The following ST3GAL6 variants were observed in gnomAD, a reference collection of about 807,000 sequenced individuals.
ST3GAL6 encodes the protein ST3 beta-galactoside alpha-2,3-sialyltransferase 6.
In ST3GAL6, 31 loss-of-function variants were observed where a neutral mutation model predicts 40.5. The ratio of observed to expected loss-of-function variants is 0.77; its 90% CI spans 0.58 to 1.03. ST3GAL6 has a LOEUF of 1.03. Ranked by LOEUF, ST3GAL6 falls within the 50% of genes least tolerant of loss-of-function variation. ST3GAL6 has a pLI of 0.00. For synonymous variants in ST3GAL6, 129 were observed against 136.9 expected, an observed-to-expected ratio of 0.94 and a Z score of 0.40; for missense variants, 357 against 393.2, an observed-to-expected ratio of 0.91 and a Z score of 0.78.
chr3:98,749,206 C>T (rs1177799631), intron 1 of ST3GAL6, among the ~76,000 whole-genome samples: 1 of 152,026 alleles, frequency 6.6e-6, no homozygotes, highest in Middle Eastern at 3.2e-3. Flanking sequence ...ATTCACTTTG[C>T]CTTAAGGATC....
chr3:98,759,870 A>G (rs1937605886), upstream of ST3GAL6, among the ~76,000 whole-genome samples: 1 of 152,192 alleles, frequency 6.6e-6, no homozygotes. Context: ...AATCCTACAT[A>G]TTTTCCCTCA....
At chr3:98,766,009 C>T (rs1193655918) in intron 1 of ST3GAL6, among the ~76,000 whole-genome samples, 2 of 152,182 alleles carry the variant, frequency 1.3e-5, no homozygotes, top group Non-Finnish European at 2.9e-5. Flanking sequence ...AACTTGAATA[C>T]TGAAGCTGTG....
intron 1 of ST3GAL6, chr3:98,756,672 A>C (rs549396689): frequency 1.3e-6 from 1 of 769,774 alleles, no homozygotes; most frequent in Admixed American, 4.2e-5. Context: ...GGTGCCTGCT[A>C]TTTTTTTCTC....
chr3:98,734,291 C>G (rs1311447010), intron 1 of ST3GAL6, among the ~76,000 whole-genome samples: 2 of 152,184 alleles, frequency 1.3e-5, no homozygotes, highest in Non-Finnish European at 2.9e-5. Flanking sequence ...TATGTTGCTT[C>G]CTTTTTGTTT....
At chr3:98,779,181 G>A (rs932441696) in intron 5 of ST3GAL6, among the ~76,000 whole-genome samples, 2 of 152,188 alleles carry the variant, frequency 1.3e-5, no homozygotes, top group African/African-American at 4.8e-5. Flanking sequence ...ACGTGTCAAT[G>A]TCTAAGCAGA....
intron 1 of ST3GAL6, among the ~76,000 whole-genome samples, chr3:98,740,119 C>T (rs961248733): frequency 2.6e-5 from 4 of 151,698 alleles, no homozygotes; most frequent in East Asian, 1.9e-4. Flanking sequence ...TTTTGATAAA[C>T]GGGATGTAAG....
At chr3:98,769,825 GT>G (rs1938777347) in intron 2 of ST3GAL6, among the ~76,000 whole-genome samples, 2 of 152,074 alleles carry the variant, frequency 1.3e-5, no homozygotes, top group Admixed American at 1.3e-4. Context: ...TGTTTTCTAT[GT>G]TTTAATGACT....
At chr3:98,793,524 A>T in intron 9 of ST3GAL6, 151 bp from the exon 10 acceptor site, 1 of 480,710 alleles carries the variant, frequency 2.1e-6, no homozygotes, top group Non-Finnish European at 3.7e-6. Context: ...AAAGTAATTT[A>T]AAAGGCTATC....
chr3:98,779,265 T>C (rs888059405), intron 5 of ST3GAL6, among the ~76,000 whole-genome samples: 2 of 152,216 alleles, frequency 1.3e-5, no homozygotes, highest in Non-Finnish European at 2.9e-5. Flanking sequence ...TCCAAAAGCA[T>C]CTAATAGACT....
chr3:98,754,239 T>C (rs183981173), intron 1 of ST3GAL6, among the ~76,000 whole-genome samples: 80 of 152,268 alleles, frequency 5.3e-4, no homozygotes, highest in African/African-American at 1.9e-3. Flanking sequence ...GGTCAAAATA[T>C]CCACTTTAAC....
chr3:98,773,872 A>G (rs1185129094), intron 4 of ST3GAL6, 48 bp from the exon 5 acceptor site: 2 of 1,538,774 alleles, frequency 1.3e-6, no homozygotes, highest in African/African-American at 1.4e-5. Context: ...CTAAGTACTA[A>G]AAAGACATGA....
chr3:98,766,103 G>A lies in ST3GAL6; in HGVS notation c.-11-2327G>A, dbSNP rs138783481. Among the ~76,000 whole-genome samples, 55 of 152,180 alleles carry A rather than the reference G, an allele frequency of 3.6e-4. 1 individual carries two copies. The Middle Eastern group carries it at 0.01, about 28-fold the overall frequency. On this transcript the variant is annotated intron_variant, in intron 1 of 9. Transcript: ENST00000483910. ...GCAGTAGCTGTTCAAGAGTGGGTTC[G>A]TTTTATTGTTTGAAAACAGAGCATT... is the stretch of plus-strand genomic sequence containing the variant.
chr3:98,781,714 G>C (rs1333003517), intron 5 of ST3GAL6, among the ~76,000 whole-genome samples: 1 of 152,190 alleles, frequency 6.6e-6, no homozygotes, highest in Non-Finnish European at 1.5e-5. Flanking sequence ...GGGCGAGGCA[G>C]CCCCTTTTCT....
At chr3:98,735,802 A>G (rs1935494141) in intron 1 of ST3GAL6, among the ~76,000 whole-genome samples, 1 of 142,758 alleles carries the variant, frequency 7.0e-6, no homozygotes, top group Admixed American at 7.5e-5. Flanking sequence ...TATACATTGG[A>G]TATTATAGTG....
intron 1 of ST3GAL6, among the ~76,000 whole-genome samples, chr3:98,746,369 G>C (rs1353699504): frequency 6.6e-6 from 1 of 152,036 alleles, no homozygotes; most frequent in Non-Finnish European, 1.5e-5. Context: ...GTAACCCTCA[G>C]TGTACTGGGG....
chr3:98,740,884 T>G (rs2107278945), intron 1 of ST3GAL6, among the ~76,000 whole-genome samples: 1 of 152,338 alleles, frequency 6.6e-6, no homozygotes, highest in South Asian at 2.1e-4. Context: ...TTTTCTCAGA[T>G]CTGTTTCCTC....
At chr3:98,768,392 C>A (rs766946930) in intron 1 of ST3GAL6, 38 bp from the exon 2 acceptor site, 2 of 1,438,832 alleles carry the variant, frequency 1.4e-6, no homozygotes, top group South Asian at 2.3e-5. Context: ...TGTATAACAA[C>A]CTGGCCTTTG....
intron 1 of ST3GAL6, among the ~76,000 whole-genome samples, chr3:98,764,622 G>A (rs1162034185): frequency 2.0e-5 from 3 of 152,198 alleles, no homozygotes; most frequent in African/African-American, 4.8e-5. Flanking sequence ...GTAGTATAAC[G>A]CATGGCCTGT....
intron 5 of ST3GAL6, among the ~76,000 whole-genome samples, chr3:98,774,202 G>A (rs1215175826): frequency 6.6e-6 from 1 of 152,182 alleles, no homozygotes; most frequent in Non-Finnish European, 1.5e-5. Flanking sequence ...TCTTGATGAT[G>A]ATCAACACTG....
Sources: allele counts gnomAD v4.1 joint callset (sites outside exome capture counted in the v4.1 genomes callset), GRCh38; gene constraint gnomAD v4.1.1; transcripts MANE v1.5; gene names NCBI Gene and HGNC (gene_info 2026-07-23, HGNC 2026-07-21).